RNGTT: variants seen among roughly 807,000 people sequenced by gnomAD.
RNGTT encodes the protein RNA guanylyltransferase and 5'-phosphatase.
In RNGTT, 33 loss-of-function variants were observed where a neutral mutation model predicts 79.3. The ratio of observed to expected loss-of-function variants is 0.42; its 90% CI spans 0.32 to 0.56. The LOEUF is 0.56. Ranked by LOEUF, RNGTT falls within the 20% of genes least tolerant of loss-of-function variation. The pLI, the probability that RNGTT is intolerant of heterozygous loss-of-function variation, is 0.17. For synonymous variants in RNGTT, 222 were observed against 235.9 expected (o/e 0.94, Z 0.54); for missense variants, 497 against 739.1 (o/e 0.67, Z 3.80).
intron 11 of RNGTT, among the ~76,000 whole-genome samples, chr6:88,839,632 T>C (rs755101777): frequency 6.6e-6 from 1 of 152,166 alleles, no homozygotes; most frequent in Non-Finnish European, 1.5e-5. Flanking sequence ...AATGTGTTTA[T>C]TTATTGCTAA....
chr6:88,766,300 C>G (rs1323638592), intron 13 of RNGTT, among the ~76,000 whole-genome samples: 2 of 152,100 alleles, frequency 1.3e-5, no homozygotes, highest in African/African-American at 4.8e-5. Context: ...ATACCAATCA[C>G]TATATATCAC....
intron 12 of RNGTT, among the ~76,000 whole-genome samples, chr6:88,777,869 A>G (rs1392247071): frequency 6.6e-6 from 1 of 152,108 alleles, no homozygotes; most frequent in Non-Finnish European, 1.5e-5. Flanking sequence ...CTTGCCTTGT[A>G]CCGGATTTTA....
At chr6:88,923,046 T>C (rs1472223076) in intron 4 of RNGTT, among the ~76,000 whole-genome samples, 1 of 152,204 alleles carries the variant, frequency 6.6e-6, no homozygotes, top group African/African-American at 2.4e-5. Flanking sequence ...CATAATTAGA[T>C]TCACTTTTAA....
At chr6:88,709,328 GA>G (rs1483110582) in intron 13 of RNGTT, among the ~76,000 whole-genome samples, 4 of 150,508 alleles carry the variant, frequency 2.7e-5, no homozygotes, top group Non-Finnish European at 4.4e-5. Context: ...GGAGGATTAA[GA>G]AAAGAATCTT....
intron 11 of RNGTT, among the ~76,000 whole-genome samples, chr6:88,816,557 G>C (rs776707631): frequency 3.3e-5 from 5 of 152,106 alleles, no homozygotes; most frequent in Non-Finnish European, 7.4e-5. Context: ...TAAAATACTA[G>C]GTATCAGAGG....
At chr6:88,708,479 C>T (rs1776214672) in intron 13 of RNGTT, among the ~76,000 whole-genome samples, 1 of 152,040 alleles carries the variant, frequency 6.6e-6, no homozygotes, top group African/African-American at 2.4e-5. Flanking sequence ...CTCTCTCCTC[C>T]TTCCCCTGAC....
intron 3 of RNGTT, 41 bp downstream of exon 3, chr6:88,929,123 T>C (rs1284486447): frequency 1.9e-6 from 3 of 1,582,470 alleles, no homozygotes; most frequent in Admixed American, 1.7e-5. Context: ...CAAATTGTGA[T>C]GAAAGGTTTC....
In RNGTT at chr6:88,695,250, GT is replaced by G. The variant is rs1398941393; in HGVS notation, c.1440-16832del. On this transcript the variant is annotated intron_variant, in intron 13 of 15. Transcript: ENST00000369485. ...ACCTACAGATTTGGAGAAAATATCT[GT>G]AAGCGAGACATTTGATAAGGGATTA... Among the ~76,000 whole-genome samples the G allele has an allele frequency of 3.3e-5, 5 of 152,186 alleles. No homozygotes were observed. In the East Asian group the frequency reaches 5.8e-4, roughly 18 times the overall value.
At chr6:88,907,077 T>C (rs940263794) in intron 4 of RNGTT, among the ~76,000 whole-genome samples, 46 of 152,232 alleles carry the variant, frequency 3.0e-4, no homozygotes, top group African/African-American at 9.9e-4. Flanking sequence ...AACTGTATTT[T>C]CAAGTTAGGT....
intron 13 of RNGTT, among the ~76,000 whole-genome samples, chr6:88,761,018 TAC>T (rs59719740): frequency 0.26 from 33,549 of 130,968 alleles, 4,531 homozygotes; most frequent in East Asian, 0.62. Flanking sequence ...GCAAAAGAAA[TAC>T]ACACACACAC....
intron 13 of RNGTT, among the ~76,000 whole-genome samples, chr6:88,685,282 A>G (rs2127792879): frequency 6.6e-6 from 1 of 152,312 alleles, no homozygotes; most frequent in African/African-American, 2.4e-5. Flanking sequence ...CCCAATGGAA[A>G]CTATGGACTT....
intron 14 of RNGTT, among the ~76,000 whole-genome samples, chr6:88,624,449 T>G (rs1053260650): frequency 7.2e-5 from 11 of 152,042 alleles, no homozygotes; most frequent in African/African-American, 2.6e-4. Context: ...CAATTGATAT[T>G]TGACCAAGGC....
rs544183914 is a variant in RNGTT, at chr6:88,620,068, C to T, written c.1507-5673G>A. ...CTTTTTAAAACACGTTAGACTAGTA[C>T]TTCAAAAAACGTTCCTCTGCTGAAA... is the stretch of plus-strand genomic sequence containing the variant. On this transcript the variant is annotated intron_variant, in intron 14 of 15. Transcript: ENST00000369485. 4.5e-3 allele frequency among the ~76,000 whole-genome samples: 692 copies of T among 152,270 alleles called. 5 individuals are homozygous for T. Among genetic ancestry groups the T allele is most frequent in the African/African-American group, 0.016 (652 of 41,536 alleles).
At chr6:88,913,408 A>C (rs1441299506) in intron 4 of RNGTT, among the ~76,000 whole-genome samples, 1 of 152,084 alleles carries the variant, frequency 6.6e-6, no homozygotes, top group Non-Finnish European at 1.5e-5. Context: ...ACACAACAAA[A>C]AAAAATACTG....
intron 13 of RNGTT, among the ~76,000 whole-genome samples, chr6:88,703,744 A>G (rs533283049): frequency 6.6e-5 from 10 of 152,360 alleles, no homozygotes; most frequent in African/African-American, 2.2e-4. Flanking sequence ...TAATGCCACA[A>G]TTCTTTCCAG....
chr6:88,776,137 A>G (rs553497586), intron 12 of RNGTT, among the ~76,000 whole-genome samples: 4 of 152,232 alleles, frequency 2.6e-5, no homozygotes, highest in African/African-American at 9.6e-5. Flanking sequence ...TGGTTGTACC[A>G]ATTTACATTC....
At chr6:88,879,881 T>C (rs1402429722) in intron 8 of RNGTT, among the ~76,000 whole-genome samples, 1 of 152,194 alleles carries the variant, frequency 6.6e-6, no homozygotes, top group African/African-American at 2.4e-5. Context: ...AAATGTGACC[T>C]GCTAATTTGT....
intron 13 of RNGTT, among the ~76,000 whole-genome samples, chr6:88,716,540 T>C (rs1172962376): frequency 2.0e-5 from 3 of 152,154 alleles, no homozygotes; most frequent in Middle Eastern, 3.2e-3. Context: ...CAGCACTATT[T>C]ACAATAGCAA....
chr6:88,612,905 C>A, intron 15 of RNGTT, 23 bp from the exon 16 acceptor site: 1 of 1,608,028 alleles, frequency 6.2e-7, no homozygotes. Flanking sequence ...GGAGACAGGT[C>A]TCATGTGAGG....
Sources: gnomAD v4.1 joint callset for allele counts (sites outside exome capture counted in the v4.1 genomes callset) on GRCh38, gnomAD v4.1.1 for gene constraint, MANE v1.5 for transcripts, NCBI Gene and HGNC (gene_info 2026-07-23, HGNC 2026-07-21) for gene names.